Variants in CENPP observed in about 807,000 individuals in gnomAD.
CENPP encodes centromere protein P.
A neutral mutation model predicts 35.6 loss-of-function variants in CENPP; 24 were observed. The observed-to-expected ratio is 0.67, with a 90% CI of 0.49 to 0.95. The LOEUF (loss-of-function observed/expected upper bound fraction) is 0.95. Ranked by LOEUF, CENPP falls within the 40% of genes least tolerant of loss-of-function variation. The pLI, the probability that CENPP is intolerant of heterozygous loss-of-function variation, is 0.00. For synonymous variants in CENPP, 120 were observed against 125.5 expected, an observed-to-expected ratio of 0.96 and a Z score of 0.29; for missense variants, 332 against 345.3, an observed-to-expected ratio of 0.96 and a Z score of 0.31.
At chr9:92,548,394 C>A (rs1849518187) in intron 5 of CENPP, among the ~76,000 whole-genome samples, 1 of 152,124 alleles carries the variant, frequency 6.6e-6, no homozygotes, top group African/African-American at 2.4e-5. Flanking sequence ...CAAAAGGATA[C>A]CTGAAATGTG....
chr9:92,457,594 T>G (rs1179045222), intron 5 of CENPP: 1 of 774,686 alleles, frequency 1.3e-6, no homozygotes, highest in African/African-American at 1.8e-5. Context: ...TTATTTTACA[T>G]TGGCTTGAAT....
At chr9:92,587,379 G>A (rs943073974) in intron 5 of CENPP, among the ~76,000 whole-genome samples, 6 of 152,084 alleles carry the variant, frequency 3.9e-5, no homozygotes, top group African/African-American at 1.4e-4. Flanking sequence ...TGAGACAGGA[G>A]AGTCACTTGA....
At chr9:92,371,573 T>TGTACATTCTGCAGTTGTTGG (rs1491101482) in intron 4 of CENPP, among the ~76,000 whole-genome samples, 6 of 152,206 alleles carry the variant, frequency 3.9e-5, no homozygotes, top group Non-Finnish European at 8.8e-5. Flanking sequence ...ATGAAAAGAA[T>TGTACATTCTGCAGTTGTTGG]GTACATTCTG....
At chr9:92,385,488 G>C in intron 5 of CENPP, 1 of 766,592 alleles carries the variant, frequency 1.3e-6, no homozygotes, top group Non-Finnish European at 2.1e-6. Flanking sequence ...GAACATCCTT[G>C]CTTAAAATAT....
chr9:92,564,033 G>A (rs985639178), intron 5 of CENPP, among the ~76,000 whole-genome samples: 3 of 152,130 alleles, frequency 2.0e-5, no homozygotes, highest in Non-Finnish European at 2.9e-5. Flanking sequence ...AAAAATCACT[G>A]ATTGTAATGT....
chr9:92,408,745 C>T (rs897752894), intron 5 of CENPP, among the ~76,000 whole-genome samples: 1 of 152,158 alleles, frequency 6.6e-6, no homozygotes, highest in Non-Finnish European at 1.5e-5. Context: ...CCCACCCCTA[C>T]TTTGTGATGA....
intron 5 of CENPP, chr9:92,384,767 T>C (rs190336925): frequency 1.3e-5 from 2 of 152,282 alleles, no homozygotes; most frequent in Admixed American, 1.3e-4. Context: ...GATGAGATTC[T>C]CATTTCTGTA....
chr9:92,414,104 C>A lies in CENPP; in HGVS notation c.564+34245C>A, dbSNP rs1843519254. 3.1e-5 allele frequency: 5 copies of A among 162,348 alleles called. No individual in the cohort carries two copies. In the Admixed American group the frequency reaches 3.2e-4, roughly 10 times the overall value. The allele number at this position is 162,348 out of a possible 1,614,324, so 10.1% of individuals were successfully genotyped here. A position where few individuals can be genotyped will look rare whatever the true frequency, so the allele number is the denominator to read the frequency against. The stretch of plus-strand genomic sequence containing the variant: ...GTTAGATAATCATCATTGTAAGGCA[C>A]ACTTACAATACTTAAAAATAATACA... On this transcript the variant is annotated intron_variant, in intron 5 of 7. Transcript: ENST00000375587.
intron 5 of CENPP, among the ~76,000 whole-genome samples, chr9:92,459,030 G>T (rs995684757): frequency 6.6e-6 from 1 of 152,138 alleles, no homozygotes; most frequent in Non-Finnish European, 1.5e-5. Context: ...ATTCTCCAAG[G>T]AATCTGTGGC....
At chr9:92,508,779 CT>C (rs1404765482) in intron 5 of CENPP, among the ~76,000 whole-genome samples, 1 of 152,030 alleles carries the variant, frequency 6.6e-6, no homozygotes, top group Non-Finnish European at 1.5e-5. Context: ...TGTTTTGTTC[CT>C]GTGAAGTTTT....
At chr9:92,333,827 T>C (rs1252845694) in intron 2 of CENPP, among the ~76,000 whole-genome samples, 1 of 151,834 alleles carries the variant, frequency 6.6e-6, no homozygotes, top group East Asian at 1.9e-4. Context: ...TTGTTTTCCA[T>C]AGCTATTAGT....
chr9:92,372,741 A>G (rs1588068785), intron 4 of CENPP, among the ~76,000 whole-genome samples: 1 of 151,928 alleles, frequency 6.6e-6, no homozygotes, highest in Admixed American at 6.5e-5. Flanking sequence ...CACACTGAAT[A>G]TATCATTCCA....
At chr9:92,575,186 C>T (rs538737896) in intron 5 of CENPP, among the ~76,000 whole-genome samples, 1 of 152,282 alleles carries the variant, frequency 6.6e-6, no homozygotes, top group Admixed American at 6.5e-5. Flanking sequence ...GTATAGTCAA[C>T]TTAAGGAGAA....
At chr9:92,442,441 A>C (rs868499208) in intron 5 of CENPP, among the ~76,000 whole-genome samples, 1 of 150,646 alleles carries the variant, frequency 6.6e-6, no homozygotes, top group African/African-American at 2.4e-5. Flanking sequence ...AAACCACTCC[A>C]TTATGATCAA....
chr9:92,377,506 G>A (rs1476893758), intron 4 of CENPP, among the ~76,000 whole-genome samples: 1 of 152,176 alleles, frequency 6.6e-6, no homozygotes, highest in Non-Finnish European at 1.5e-5. Context: ...GGTAGGGAGT[G>A]TGGCAAGGGT....
At chr9:92,330,335 A>G (rs115749896) in intron 1 of CENPP, among the ~76,000 whole-genome samples, 132 of 152,330 alleles carry the variant, frequency 8.7e-4, no homozygotes, top group African/African-American at 3.0e-3. Context: ...GAAGAGATAC[A>G]TGGTTAGAGG....
chr9:92,612,457 C>A, intron 6 of CENPP, 66 bp from the exon 7 acceptor site: 3 of 1,282,108 alleles, frequency 2.3e-6, no homozygotes, highest in South Asian at 1.2e-5. Context: ...AGGTGCGACT[C>A]ATGGTTGCTA....
intron 5 of CENPP, among the ~76,000 whole-genome samples, chr9:92,596,491 G>A (rs561161034): frequency 2.0e-4 from 30 of 150,678 alleles, no homozygotes; most frequent in Non-Finnish European, 3.1e-4. Context: ...AAAAATAGGT[G>A]GGAAGAAGGC....
chr9:92,554,687 G>C (rs1849682936), intron 5 of CENPP, among the ~76,000 whole-genome samples: 2 of 152,062 alleles, frequency 1.3e-5, no homozygotes, highest in South Asian at 2.1e-4. Flanking sequence ...ACCCAGGCTG[G>C]AGTGCAGTGG....
Sources: gnomAD v4.1 joint callset for allele counts (sites outside exome capture counted in the v4.1 genomes callset) on GRCh38, gnomAD v4.1.1 for gene constraint, MANE v1.5 for transcripts, NCBI Gene and HGNC (gene_info 2026-07-23, HGNC 2026-07-21) for gene names.